NAA11: variants seen among roughly 807,000 people sequenced by gnomAD.
NAA11 encodes N-alpha-acetyltransferase 11.
Under a neutral mutation model 16.1 loss-of-function variants are expected in NAA11, and 15 were observed. That is an observed-to-expected ratio of 0.93 (90% CI 0.62 to 1.44). The LOEUF is 1.44. Among genes scored for constraint, NAA11 ranks in the 40% most tolerant of loss-of-function variants. The pLI is 0.00. For missense variants in NAA11, 298 were observed against 291.3 expected, an observed-to-expected ratio of 1.02 and a Z score of -0.17; for synonymous variants, 122 against 112.4, an observed-to-expected ratio of 1.09 and a Z score of -0.54.
At chr4:79,214,072 C>A in the NAA11 span, among the ~76,000 whole-genome samples, 1 of 152,166 alleles carries the variant, frequency 6.6e-6, no homozygotes, top group Non-Finnish European at 1.5e-5. Flanking sequence ...ACCACCACAA[C>A]ACAGGAATTG....
chr4:79,303,154 C>A (rs1723463138), intron 1 of NAA11, among the ~76,000 whole-genome samples: 1 of 128,118 alleles, frequency 7.8e-6, no homozygotes. Flanking sequence ...AAAAAGCATG[C>A]AAAAAAGCAG....
the NAA11 span, among the ~76,000 whole-genome samples, chr4:79,165,575 T>C: frequency 1.3e-5 from 2 of 152,200 alleles, no homozygotes; most frequent in Non-Finnish European, 2.9e-5. Context: ...ATATGTAGAA[T>C]TGGATAATGA....
chr4:79,195,170 C>T, the NAA11 span, among the ~76,000 whole-genome samples: 1 of 152,066 alleles, frequency 6.6e-6, no homozygotes, highest in Non-Finnish European at 1.5e-5. Flanking sequence ...CAATTAGCTA[C>T]CCCAGAGTTT....
intron 2 of NAA11, among the ~76,000 whole-genome samples, chr4:79,254,040 TGTGGCAGGA>T (rs767283385): frequency 1.3e-4 from 20 of 152,210 alleles, no homozygotes; most frequent in Non-Finnish European, 2.1e-4. Flanking sequence ...AATCTAGGCA[TGTGGCAGGA>T]GTGGCAGGCC....
rs558863241 is a variant in NAA11 at position 79,272,081 on chromosome 4, C to T, written c.*122+21924G>A. On this transcript the variant is annotated intron_variant and NMD_transcript_variant, in intron 2 of 2. Coordinates refer to the NAA11 transcript ENST00000511542. ...TACACACATACATATACAACACACA[C>T]ATATATTATATGTGTGTGTATATAT... Among the ~76,000 whole-genome samples the T allele has an allele frequency of 7.8e-4, 118 of 151,792 alleles. No individual in the cohort carries two copies. In the Middle Eastern group the frequency reaches 0.014, roughly 18 times the overall value.
At chr4:79,197,572 C>T in the NAA11 span, 1 of 151,992 alleles carries the variant, frequency 6.6e-6, no homozygotes, top group Non-Finnish European at 1.5e-5. Flanking sequence ...GAAGCTTCTC[C>T]TTGTCATCTG....
Position 79,325,246 on chromosome 4 carries a change from T to G in NAA11, c.632A>C (p.Glu211Ala). The change falls in exon 1 of 2, where the codon GAG becomes GCG. Residue 211 changes from glutamate to alanine, a missense_variant. Glu to Ala is a moderately radical substitution (Grantham distance 107). Coordinates refer to ENST00000286794, the MANE Select transcript of NAA11 (RefSeq NM_032693.3). ...ESGSDSKEPK[E>A]SVESTNVQDS... is the part of the protein sequence containing the mutation. ...CTGGACGTTGGTGCTCTCCACAGAC[T>G]CCTTAGGTTCTTTGCTGTCACTGCC... is the stretch of plus-strand genomic sequence containing the variant. 1 of 1,613,642 alleles carries G rather than the reference T, an allele frequency of 6.2e-7. No homozygotes were observed. The highest frequency in any genetic ancestry group is 8.5e-7 in the Non-Finnish European group (1 of 1,179,752).
intron 2 of NAA11, among the ~76,000 whole-genome samples, chr4:79,248,619 A>C (rs1446345443): frequency 1.3e-5 from 2 of 151,962 alleles, no homozygotes; most frequent in African/African-American, 4.8e-5. Flanking sequence ...ACCGGCACAA[A>C]CCTGTGCCTG....
chr4:79,198,072 G>A, the NAA11 span, among the ~76,000 whole-genome samples: 6 of 151,928 alleles, frequency 3.9e-5, no homozygotes, highest in African/African-American at 1.2e-4. Context: ...TCTATAGAAT[G>A]TGAAAAGTAA....
chr4:79,170,700 G>C, the NAA11 span, among the ~76,000 whole-genome samples: 1 of 152,136 alleles, frequency 6.6e-6, no homozygotes, highest in African/African-American at 2.4e-5. Context: ...AAAAATTAAG[G>C]CTTAGAAGTT....
intron 2 of NAA11, among the ~76,000 whole-genome samples, chr4:79,226,674 T>C (rs918260429): frequency 6.7e-6 from 1 of 148,612 alleles, no homozygotes; most frequent in Admixed American, 6.8e-5. Flanking sequence ...TGAGAACATG[T>C]GGTGTTTGTT....
intron 2 of NAA11, among the ~76,000 whole-genome samples, chr4:79,246,145 T>A (rs1158395901): frequency 6.6e-6 from 1 of 152,198 alleles, no homozygotes; most frequent in Non-Finnish European, 1.5e-5. Context: ...CAGTGCAAGA[T>A]GTGCTTTGTT....
At chr4:79,183,965 C>A in the NAA11 span, among the ~76,000 whole-genome samples, 1 of 125,428 alleles carries the variant, frequency 8.0e-6, no homozygotes, top group Non-Finnish European at 1.7e-5. Context: ...TCTACCTTGA[C>A]AACAACATTT....
In NAA11 at chr4:79,310,575, T is replaced by C. The variant is rs1005430029; in HGVS notation, c.*12+14601A>G. Among the ~76,000 whole-genome samples the C allele has an allele frequency of 2.0e-5, 3 of 152,336 alleles. No homozygotes were observed. In the South Asian group the frequency reaches 6.2e-4, roughly 32 times the overall value. On this transcript the variant is annotated intron_variant and NMD_transcript_variant, in intron 1 of 2. Transcript: ENST00000511542. ...GCACCTTAATTCCCGCACTTGCTTA[T>C]AGACAGAAAATGCCTCCTTCCTTTC...
intron 2 of NAA11, among the ~76,000 whole-genome samples, chr4:79,263,043 C>T (rs1470996667): frequency 6.6e-6 from 1 of 151,872 alleles, no homozygotes; most frequent in Non-Finnish European, 1.5e-5. Flanking sequence ...TACATAGATG[C>T]GTGTTAAAAA....
chr4:79,202,932 G>A, the NAA11 span, among the ~76,000 whole-genome samples: 3 of 151,204 alleles, frequency 2.0e-5, no homozygotes, highest in East Asian at 5.9e-4. Context: ...TAGAATGTAG[G>A]TATGTTGAAA....
the NAA11 span, among the ~76,000 whole-genome samples, chr4:79,193,268 C>T: frequency 1.3e-5 from 2 of 152,128 alleles, no homozygotes; most frequent in South Asian, 2.1e-4. Flanking sequence ...GTTGCCATTG[C>T]TTTTGGTGTT....
At position 79,316,861 on chromosome 4, in the gene NAA11, G is replaced by C. The variant is rs1448871276; in HGVS notation, c.*943C>G. ...AACACATTTATAAATAAAATGCAAA[G>C]AGTAGGAACAGAAAAGTAGAAGGAA... On this transcript the variant is annotated 3_prime_UTR_variant, in exon 2 of 2. Coordinates refer to ENST00000286794, the MANE Select transcript of NAA11 (RefSeq NM_032693.3). 6.6e-6 allele frequency: 1 copy of C among 152,112 alleles called. No individual in the cohort carries two copies. Among genetic ancestry groups the C allele is most frequent in the East Asian group, 1.9e-4 (1 of 5,196 alleles). 9.4% of individuals were successfully genotyped at this position (152,112 alleles called of 1,614,324 possible).
At chr4:79,224,777 A>G (rs919337380), downstream of NAA11, among the ~76,000 whole-genome samples, 3 of 152,160 alleles carry the variant, frequency 2.0e-5, no homozygotes, top group African/African-American at 7.2e-5. Flanking sequence ...AACAAGGTCA[A>G]CGTCAACAGT....
Sources: gnomAD v4.1 joint callset for allele counts (sites outside exome capture counted in the v4.1 genomes callset) on GRCh38, gnomAD v4.1.1 for gene constraint, MANE v1.5 for transcripts, NCBI Gene and HGNC (gene_info 2026-07-23, HGNC 2026-07-21) for gene names.